Variants in AMPH observed in about 807,000 individuals in gnomAD.
The protein encoded by AMPH is amphiphysin (Stiff-Mann syndrome with breast cancer 128kD autoantigen).
AMPH carries 49 observed loss-of-function variants against 99.1 expected under a neutral mutation model. That is an observed-to-expected ratio of 0.49 (90% CI 0.39 to 0.63). The LOEUF is 0.63. Among genes scored for constraint, AMPH ranks in the 20% least tolerant of loss-of-function variants. The pLI is 0.00. For missense variants in AMPH, 759 were observed against 863.4 expected (o/e 0.88, Z 1.52); for synonymous variants, 314 against 317.3 (o/e 0.99, Z 0.11).
chr7:38,468,473 T>C (rs1299068788), intron 7 of AMPH, among the ~76,000 whole-genome samples: 1 of 152,234 alleles, frequency 6.6e-6, no homozygotes, highest in Non-Finnish European at 1.5e-5. Flanking sequence ...ATATCTTAAG[T>C]TGTCAAATCA....
At chr7:38,465,615 C>A in intron 8 of AMPH, 66 bp from the exon 9 acceptor site, 1 of 1,407,298 alleles carries the variant, frequency 7.1e-7, no homozygotes, top group Non-Finnish European at 9.8e-7. Flanking sequence ...AGGCTATTCT[C>A]CCCAAGAAAG....
intron 11 of AMPH, among the ~76,000 whole-genome samples, chr7:38,451,725 T>TCA (rs1395860298): frequency 6.6e-6 from 1 of 152,068 alleles, no homozygotes. Flanking sequence ...TTTCAAAGCA[T>TCA]CTAATGATAC....
intron 11 of AMPH, among the ~76,000 whole-genome samples, chr7:38,444,467 T>C (rs1786679432): frequency 6.6e-6 from 1 of 152,062 alleles, no homozygotes; most frequent in South Asian, 2.1e-4. Flanking sequence ...GCAAGGAGAA[T>C]GCCATGTGAA....
chr7:38,510,278 G>A (rs1354053882), intron 2 of AMPH, among the ~76,000 whole-genome samples: 1 of 152,072 alleles, frequency 6.6e-6, no homozygotes, highest in Non-Finnish European at 1.5e-5. Flanking sequence ...CTCTTCTTAT[G>A]AGGACACCAG....
chr7:38,523,127 G>GGA (rs1429619025), intron 2 of AMPH, among the ~76,000 whole-genome samples: 1 of 150,936 alleles, frequency 6.6e-6, no homozygotes, highest in African/African-American at 2.4e-5. Context: ...AAAAAAGAAG[G>GGA]TGGGGGAGAG....
intron 1 of AMPH, among the ~76,000 whole-genome samples, chr7:38,601,605 C>G (rs1793249466): frequency 6.6e-6 from 1 of 152,152 alleles, no homozygotes; most frequent in Non-Finnish European, 1.5e-5. Flanking sequence ...TAGCACAGTT[C>G]TGCTCAGTAA....
intron 5 of AMPH, among the ~76,000 whole-genome samples, chr7:38,490,131 T>A (rs538422978): frequency 2.0e-5 from 3 of 152,270 alleles, no homozygotes; most frequent in Non-Finnish European, 4.4e-5. Flanking sequence ...TCAAAACATG[T>A]TCCCTGGTGC....
chr7:38,557,633 G>A (rs758928145), intron 1 of AMPH, among the ~76,000 whole-genome samples: 14 of 152,052 alleles, frequency 9.2e-5, no homozygotes, highest in Non-Finnish European at 2.1e-4. Context: ...CCAGTCTCTG[G>A]TATGTCTTTA....
At chr7:38,420,949 T>C in intron 16 of AMPH, 1 of 456,554 alleles carries the variant, frequency 2.2e-6, no homozygotes, top group South Asian at 1.5e-5. Context: ...CACTGGGGCG[T>C]TTTCTTGCTC....
chr7:38,618,676 G>A (rs1260259466), intron 1 of AMPH, among the ~76,000 whole-genome samples: 1 of 152,110 alleles, frequency 6.6e-6, no homozygotes, highest in Non-Finnish European at 1.5e-5. Flanking sequence ...GTATTAATCT[G>A]ACCTCTATTG....
At chr7:38,474,932 A>G (rs1431564128) in intron 7 of AMPH, among the ~76,000 whole-genome samples, 1 of 152,176 alleles carries the variant, frequency 6.6e-6, no homozygotes, top group Non-Finnish European at 1.5e-5. Context: ...AGTTCCTCCA[A>G]GAACTGAAAG....
At chr7:38,388,002 C>T (rs1040277368) in intron 20 of AMPH, among the ~76,000 whole-genome samples, 1 of 151,854 alleles carries the variant, frequency 6.6e-6, no homozygotes, top group Admixed American at 6.6e-5. Context: ...AGATTTCTAC[C>T]TTAGTGAAAG....
At chr7:38,607,008 T>C (rs1793459133) in intron 1 of AMPH, among the ~76,000 whole-genome samples, 1 of 152,212 alleles carries the variant, frequency 6.6e-6, no homozygotes, top group Admixed American at 6.5e-5. Flanking sequence ...GCTGTGAACA[T>C]TCAAGTCCGA....
At chr7:38,497,821 A>C (rs371392140) in intron 3 of AMPH, among the ~76,000 whole-genome samples, 5 of 152,198 alleles carry the variant, frequency 3.3e-5, no homozygotes, top group African/African-American at 7.2e-5. Flanking sequence ...GGAATAAAAT[A>C]GGCAGTTGGT....
At chr7:38,454,731 C>T (rs56316521) in intron 11 of AMPH, among the ~76,000 whole-genome samples, 2 of 152,086 alleles carry the variant, frequency 1.3e-5, no homozygotes, top group African/African-American at 4.8e-5. Flanking sequence ...CCTATCTCTA[C>T]TAAGAATCAA....
At chr7:38,423,332 G>A (rs77646106) in intron 15 of AMPH, among the ~76,000 whole-genome samples, 7,116 of 152,180 alleles carry the variant, frequency 0.047, 528 homozygotes, top group African/African-American at 0.16. Context: ...CATTACATTG[G>A]TAGCCAGGCT....
intron 1 of AMPH, among the ~76,000 whole-genome samples, chr7:38,556,653 G>GC (rs1791375017): frequency 6.6e-6 from 1 of 152,142 alleles, no homozygotes; most frequent in Non-Finnish European, 1.5e-5. Context: ...TGCACTCTCT[G>GC]CCCCCTGCTC....
At chr7:38,593,208 G>A (rs1376853492) in intron 1 of AMPH, among the ~76,000 whole-genome samples, 1 of 152,128 alleles carries the variant, frequency 6.6e-6, no homozygotes, top group African/African-American at 2.4e-5. Context: ...CTTAACAATA[G>A]GGTAAACATT....
intron 17 of AMPH, among the ~76,000 whole-genome samples, chr7:38,414,616 T>C (rs1319464514): frequency 6.6e-6 from 1 of 152,202 alleles, no homozygotes; most frequent in Admixed American, 6.5e-5. Flanking sequence ...CTTTACCTGC[T>C]TTACAACCTG....
Sources: allele counts gnomAD v4.1 joint callset (sites outside exome capture counted in the v4.1 genomes callset), GRCh38; gene constraint gnomAD v4.1.1; transcripts MANE v1.5; gene names NCBI Gene and HGNC (gene_info 2026-07-23, HGNC 2026-07-21).